NKAIN2: variants seen among roughly 807,000 people sequenced by gnomAD.
NKAIN2 encodes sodium/potassium-transporting ATPase subunit beta-1-interacting protein 2.
NKAIN2 carries 14 observed loss-of-function variants against 32.6 expected under a neutral mutation model. The ratio of observed to expected loss-of-function variants is 0.43; its 90% CI spans 0.28 to 0.67. The LOEUF (loss-of-function observed/expected upper bound fraction) is 0.67, where lower values mean the gene tolerates loss of function less well. Ranked by LOEUF, NKAIN2 falls within the 30% of genes least tolerant of loss-of-function variation. The pLI is 0.17. For missense variants in NKAIN2, 198 were observed against 258.3 expected (o/e 0.77, Z 1.60); for synonymous variants, 80 against 87.2 (o/e 0.92, Z 0.46).
chr6:124,350,549 C>T (rs554093787), intron 2 of NKAIN2, among the ~76,000 whole-genome samples: 7 of 152,250 alleles, frequency 4.6e-5, no homozygotes, highest in Non-Finnish European at 7.4e-5. Context: ...TAGTGATGCA[C>T]AAGTAGCAAT....
Position 124,416,285 on chromosome 6 carries a change from T to A in NKAIN2, c.273+60938T>A, listed in dbSNP as rs1016355147. Among the ~76,000 whole-genome samples, 84 of 152,186 alleles carry A rather than the reference T, an allele frequency of 5.5e-4. 1 individual carries two copies. The highest frequency in any genetic ancestry group is 3.4e-3 in the Middle Eastern group (1 of 294). ...TCTGGATCATAAAAACAAAGAGAAA[T>A]CTCCTCACCTAAGTTATATGTGCAT... is the stretch of plus-strand genomic sequence containing the variant. On this transcript the variant is annotated intron_variant, in intron 3 of 6. Coordinates refer to ENST00000368417, the MANE Select transcript of NKAIN2 (RefSeq NM_001040214.3).
chr6:124,575,499 G>A (rs777815370), intron 3 of NKAIN2, among the ~76,000 whole-genome samples: 8 of 152,158 alleles, frequency 5.3e-5, no homozygotes, highest in Non-Finnish European at 1.2e-4. Context: ...TCATTATGAA[G>A]CTTCTTTACT....
chr6:124,425,824 T>A (rs1199498902), intron 3 of NKAIN2, among the ~76,000 whole-genome samples: 1 of 152,142 alleles, frequency 6.6e-6, no homozygotes, highest in Non-Finnish European at 1.5e-5. Context: ...GAGGGTATAT[T>A]GAGGAATGAG....
At chr6:124,327,566 A>G (rs1407348165) in intron 2 of NKAIN2, among the ~76,000 whole-genome samples, 1 of 152,140 alleles carries the variant, frequency 6.6e-6, no homozygotes, top group Non-Finnish European at 1.5e-5. Context: ...TCTTGTGTCT[A>G]TTTACTCAAT....
intron 1 of NKAIN2, among the ~76,000 whole-genome samples, chr6:124,015,860 G>T (rs527421220): frequency 6.6e-6 from 1 of 152,228 alleles, no homozygotes; most frequent in East Asian, 1.9e-4. Context: ...ACTGAACAGG[G>T]TGTTTCCCTA....
chr6:123,929,657 A>G (rs545720314), intron 1 of NKAIN2, among the ~76,000 whole-genome samples: 3 of 152,260 alleles, frequency 2.0e-5, no homozygotes, highest in African/African-American at 7.2e-5. Context: ...TCCAGTTGGC[A>G]TAGTGAAAAG....
At chr6:124,656,981 GC>G (rs2114420448) in intron 3 of NKAIN2, among the ~76,000 whole-genome samples, 2 of 152,144 alleles carry the variant, frequency 1.3e-5, no homozygotes, top group East Asian at 3.9e-4. Flanking sequence ...CAACAGGCTT[GC>G]AAAAAAAAGA....
intron 1 of NKAIN2, among the ~76,000 whole-genome samples, chr6:124,208,149 G>C (rs951602153): frequency 4.6e-5 from 7 of 151,694 alleles, no homozygotes; most frequent in Non-Finnish European, 8.8e-5. Context: ...TCAAATTCTG[G>C]CTCTATTAGC....
At chr6:124,137,792 T>C (rs1786894852) in intron 1 of NKAIN2, among the ~76,000 whole-genome samples, 1 of 152,118 alleles carries the variant, frequency 6.6e-6, no homozygotes, top group South Asian at 2.1e-4. Flanking sequence ...CAAATGGTGC[T>C]GGGAAAACTG....
chr6:124,178,855 C>G (rs1397310897), intron 1 of NKAIN2, among the ~76,000 whole-genome samples: 1 of 152,134 alleles, frequency 6.6e-6, no homozygotes, highest in Admixed American at 6.5e-5. Context: ...AGAGACTCAA[C>G]TCTGATTAGA....
intron 1 of NKAIN2, among the ~76,000 whole-genome samples, chr6:124,056,280 T>C (rs146703449): frequency 6.6e-6 from 1 of 151,946 alleles, no homozygotes; most frequent in South Asian, 2.1e-4. Context: ...TACTACATTT[T>C]TTTCTCATAT....
intron 3 of NKAIN2, among the ~76,000 whole-genome samples, chr6:124,551,931 T>G (rs1456760403): frequency 6.6e-6 from 1 of 152,184 alleles, no homozygotes; most frequent in African/African-American, 2.4e-5. Flanking sequence ...TGACCATTAT[T>G]CATGAGAGTG....
At chr6:123,897,736 A>G (rs1774353320) in intron 1 of NKAIN2, among the ~76,000 whole-genome samples, 2 of 152,072 alleles carry the variant, frequency 1.3e-5, no homozygotes, top group African/African-American at 4.8e-5. Flanking sequence ...GAGGGTGCTC[A>G]TAAATACCTG....
In NKAIN2 at chr6:124,058,237, ACT is replaced by A. The variant is rs1782758258; in HGVS notation, c.55-224766_55-224765del. On this transcript the variant is annotated intron_variant, in intron 1 of 6. Transcript: ENST00000368417. The stretch of plus-strand genomic sequence containing the variant: ...TTTTTTTTTCGGTTTTAGGCATATA[ACT>A]CAGTTATAATTTCTATAGAGAATGA... 2.0e-5 allele frequency among the ~76,000 whole-genome samples: 3 copies of A among 148,660 alleles called. No homozygotes were observed. The Admixed American group carries it at 2.0e-4, about 10-fold the overall frequency.
At chr6:123,843,250 C>A (rs550217752) in intron 1 of NKAIN2, among the ~76,000 whole-genome samples, 2 of 152,236 alleles carry the variant, frequency 1.3e-5, no homozygotes, top group African/African-American at 4.8e-5. Flanking sequence ...AATCAGGTCA[C>A]ACAAATGGAT....
At chr6:124,004,379 A>C (rs545249015) in intron 1 of NKAIN2, among the ~76,000 whole-genome samples, 1 of 152,090 alleles carries the variant, frequency 6.6e-6, no homozygotes, top group African/African-American at 2.4e-5. Context: ...AACTTACCTG[A>C]GTAATTCCTG....
intron 3 of NKAIN2, among the ~76,000 whole-genome samples, chr6:124,436,287 C>T (rs1400859916): frequency 1.3e-5 from 2 of 152,118 alleles, no homozygotes; most frequent in African/African-American, 2.4e-5. Flanking sequence ...TTAATATTAG[C>T]TCAGATGCCT....
intron 2 of NKAIN2, among the ~76,000 whole-genome samples, chr6:124,298,205 G>C (rs1442621169): frequency 6.6e-6 from 1 of 151,924 alleles, no homozygotes; most frequent in African/African-American, 2.4e-5. Flanking sequence ...TTTCTGAATA[G>C]GGTTTCAATA....
At chr6:124,228,660 T>C (rs1307283686) in intron 1 of NKAIN2, among the ~76,000 whole-genome samples, 1 of 152,048 alleles carries the variant, frequency 6.6e-6, no homozygotes, top group Admixed American at 6.6e-5. Flanking sequence ...TTGGCTGCAG[T>C]CTATGCTGAG....
Sources: gnomAD v4.1 joint callset for allele counts (sites outside exome capture counted in the v4.1 genomes callset) on GRCh38, gnomAD v4.1.1 for gene constraint, MANE v1.5 for transcripts, NCBI Gene and HGNC (gene_info 2026-07-23, HGNC 2026-07-21) for gene names.